The following CCSER1 variants were observed in gnomAD, a reference collection of about 807,000 sequenced individuals.
The protein encoded by CCSER1 is serine-rich coiled-coil domain-containing protein 1.
Under a neutral mutation model 82.0 loss-of-function variants are expected in CCSER1, and 41 were observed. That is an observed-to-expected ratio of 0.50 (90% CI 0.39 to 0.65). CCSER1 has a LOEUF of 0.65. CCSER1 is among the 30% of genes least tolerant of loss of function. The probability of loss-of-function intolerance (pLI) is 0.00; values close to 1 mark genes in which losing one functional copy is unlikely to be tolerated. For synonymous variants in CCSER1, 414 were observed against 383.9 expected, an observed-to-expected ratio of 1.08 and a Z score of -0.92; for missense variants, 1,119 against 1,064.2, an observed-to-expected ratio of 1.05 and a Z score of -0.72.
At chr4:90,357,811 C>T (rs921364026) in intron 3 of CCSER1, among the ~76,000 whole-genome samples, 26 of 152,002 alleles carry the variant, frequency 1.7e-4, no homozygotes, top group African/African-American at 5.1e-4. Flanking sequence ...CTAAAACTAT[C>T]GTGTCAGCTT....
At chr4:90,627,587 G>A (rs1038565949) in intron 5 of CCSER1, among the ~76,000 whole-genome samples, 1 of 152,028 alleles carries the variant, frequency 6.6e-6, no homozygotes. Flanking sequence ...TTAATGGAAA[G>A]ATTATATCCT....
At chr4:90,491,396 T>C (rs888781296) in intron 5 of CCSER1, among the ~76,000 whole-genome samples, 1 of 152,218 alleles carries the variant, frequency 6.6e-6, no homozygotes, top group African/African-American at 2.4e-5. Flanking sequence ...AATTTGCTTA[T>C]CAGCTTAAGG....
chr4:90,432,286 A>C (rs2153567210), intron 4 of CCSER1, among the ~76,000 whole-genome samples: 1 of 152,262 alleles, frequency 6.6e-6, no homozygotes, highest in South Asian at 2.1e-4. Flanking sequence ...TTGTTCAAAA[A>C]AATGAGAGAT....
At chr4:91,171,035 A>T (rs1049582148) in intron 10 of CCSER1, among the ~76,000 whole-genome samples, 4 of 152,232 alleles carry the variant, frequency 2.6e-5, no homozygotes, top group Non-Finnish European at 2.9e-5. Context: ...CACATGTTGT[A>T]GTCTTTGCAA....
chr4:91,054,326 A>G (rs1743253477), intron 9 of CCSER1, among the ~76,000 whole-genome samples: 1 of 152,068 alleles, frequency 6.6e-6, no homozygotes, highest in Admixed American at 6.6e-5. Flanking sequence ...AGGCTCAGGT[A>G]CTCTTTTGTT....
intron 6 of CCSER1, among the ~76,000 whole-genome samples, chr4:90,653,636 C>T (rs1218445409): frequency 6.6e-6 from 1 of 152,032 alleles, no homozygotes; most frequent in Non-Finnish European, 1.5e-5. Flanking sequence ...GTAAATTCAG[C>T]CACCACCATA....
At chr4:90,241,828 T>A (rs1448734201) in intron 1 of CCSER1, among the ~76,000 whole-genome samples, 1 of 152,154 alleles carries the variant, frequency 6.6e-6, no homozygotes, top group Non-Finnish European at 1.5e-5. Context: ...GGAAAATAGG[T>A]GATGCTATAA....
At chr4:90,374,110 T>G (rs1299804723) in intron 3 of CCSER1, among the ~76,000 whole-genome samples, 1 of 152,200 alleles carries the variant, frequency 6.6e-6, no homozygotes, top group Non-Finnish European at 1.5e-5. Context: ...TCTTAGACCC[T>G]TCATAGTTCC....
chr4:91,048,106 A>G (rs1397608618), intron 9 of CCSER1, among the ~76,000 whole-genome samples: 1 of 152,046 alleles, frequency 6.6e-6, no homozygotes, highest in African/African-American at 2.4e-5. Context: ...ATAATGCCAA[A>G]TACTGTGTAG....
intron 10 of CCSER1, among the ~76,000 whole-genome samples, chr4:91,429,814 T>A (rs948196722): frequency 6.6e-6 from 1 of 151,896 alleles, no homozygotes; most frequent in African/African-American, 2.4e-5. Flanking sequence ...TTGTCTATAA[T>A]CTCAGTTACG....
At chr4:90,986,402 G>A (rs1023697552) in intron 9 of CCSER1, among the ~76,000 whole-genome samples, 1 of 151,760 alleles carries the variant, frequency 6.6e-6, no homozygotes, top group African/African-American at 2.4e-5. Flanking sequence ...AAGTTTGAAT[G>A]TCCTCAATTT....
At chr4:90,502,111 T>A (rs924573090) in intron 5 of CCSER1, among the ~76,000 whole-genome samples, 1 of 152,168 alleles carries the variant, frequency 6.6e-6, no homozygotes, top group African/African-American at 2.4e-5. Context: ...TCTGAATACA[T>A]CAATTCTCAC....
At chr4:91,030,504 G>A (rs1740882495) in intron 9 of CCSER1, among the ~76,000 whole-genome samples, 1 of 152,074 alleles carries the variant, frequency 6.6e-6, no homozygotes. Flanking sequence ...GCTGATGCCG[G>A]CCTGGAGGAT....
intron 1 of CCSER1, among the ~76,000 whole-genome samples, chr4:90,225,096 C>T (rs988824305): frequency 2.0e-5 from 3 of 151,848 alleles, no homozygotes; most frequent in Non-Finnish European, 2.9e-5. Context: ...ACAGTTTTCA[C>T]TCCATTGCCC....
intron 10 of CCSER1, among the ~76,000 whole-genome samples, chr4:91,541,600 G>A (rs899327022): frequency 6.6e-6 from 1 of 152,114 alleles, no homozygotes; most frequent in Non-Finnish European, 1.5e-5. Context: ...GTGTATATCT[G>A]CCACATTTTC....
intron 9 of CCSER1, among the ~76,000 whole-genome samples, chr4:91,068,434 T>G (rs1359932718): frequency 6.6e-6 from 1 of 152,208 alleles, no homozygotes; most frequent in Non-Finnish European, 1.5e-5. Context: ...TGTTATGTTT[T>G]GCTGTTCCTA....
chr4:91,393,388 C>T (rs933095747), intron 10 of CCSER1, among the ~76,000 whole-genome samples: 1 of 151,958 alleles, frequency 6.6e-6, no homozygotes, highest in Non-Finnish European at 1.5e-5. Flanking sequence ...AAATTGAAAT[C>T]TATATTGAGT....
At chr4:91,131,272 T>C (rs903782104) in intron 10 of CCSER1, among the ~76,000 whole-genome samples, 2 of 152,058 alleles carry the variant, frequency 1.3e-5, no homozygotes, top group Non-Finnish European at 2.9e-5. Context: ...TTAAGGGTGA[T>C]GTACTGTCTT....
chr4:90,551,706 C>CTCTATATATATATATATATATATATATA, intron 5 of CCSER1, among the ~76,000 whole-genome samples: 3 of 104,240 alleles, frequency 2.9e-5, no homozygotes, highest in African/African-American at 9.1e-5. Flanking sequence ...CTCTCTCTCT[C>CTCTATATATATATATATATATATATATA]TATATATATA....
Sources: gnomAD v4.1 joint callset for allele counts (sites outside exome capture counted in the v4.1 genomes callset) on GRCh38, gnomAD v4.1.1 for gene constraint, MANE v1.5 for transcripts, NCBI Gene and HGNC (gene_info 2026-07-23, HGNC 2026-07-21) for gene names.